The following NTMT1 variants were observed in gnomAD, a reference collection of about 807,000 sequenced individuals.
NTMT1 encodes the protein N-terminal Xaa-Pro-Lys N-methyltransferase 1, also known as N-terminal RCC1 methyltransferase.
Under a neutral mutation model 17.5 loss-of-function variants are expected in NTMT1, and 8 were observed. The ratio of observed to expected loss-of-function variants is 0.46; its 90% CI spans 0.27 to 0.82. The LOEUF (loss-of-function observed/expected upper bound fraction) is 0.82. Ranked by LOEUF, NTMT1 falls within the 40% of genes least tolerant of loss-of-function variation. The pLI is 0.15. For synonymous variants in NTMT1, 128 were observed against 126.8 expected (o/e 1.01, Z -0.06); for missense variants, 221 against 303.5 (o/e 0.73, Z 2.02).
intron 1 of NTMT1, among the ~76,000 whole-genome samples, chr9:129,628,919 G>A (rs1831015458): frequency 6.6e-6 from 1 of 152,246 alleles, no homozygotes; most frequent in South Asian, 2.1e-4. Context: ...GAGGGAGACA[G>A]GCTTGCTCTC....
chr9:129,635,021 G>GCCACAGTTT lies in NTMT1; in HGVS notation c.416-184_416-176dup, dbSNP rs1831447084. Reference sequence around the variant, plus strand: ...GTGTCTTTAGGTAGATGACCTCTGAGCCACAGTTTCCTATTCTATGAATTG... The same window carrying GCCACAGTTT: ...GTGTCTTTAGGTAGATGACCTCTGAGCCACAGTTTCCACAGTTTCCTATTCTATGAATTG... On this transcript the variant is annotated intron_variant, in intron 3 of 3. Transcript: ENST00000372483. The GCCACAGTTT allele has an allele frequency of 1.0e-5, 7 of 680,278 alleles. No individual in the cohort carries two copies. The South Asian group carries it at 1.4e-4, about 13-fold the overall frequency. The allele number at this position is 680,278 out of a possible 1,614,324, so 42.1% of individuals were successfully genotyped here. A position where few individuals can be genotyped will look rare whatever the true frequency, so the allele number is the denominator to read the frequency against.
At chr9:129,612,506 G>C (rs1450678351) in intron 1 of NTMT1, 1 of 1,423,594 alleles carries the variant, frequency 7.0e-7, no homozygotes, top group Non-Finnish European at 9.8e-7. Flanking sequence ...CGGGGCAGGG[G>C]ACTGGGCTCC....
rs1830252212 is a variant in NTMT1, at chr9:129,614,466, G to A, written c.-55+5288G>A. Among the ~76,000 whole-genome samples the A allele has an allele frequency of 6.6e-6, 1 of 152,226 alleles. No homozygotes were observed. Among genetic ancestry groups the A allele is most frequent in the South Asian group, 2.1e-4 (1 of 4,836 alleles). ...ATAGTGGGTGCTCAATAAACAGCTA[G>A]AGGACATTGACTGTTGGGGACCCTG... On this transcript the variant is annotated intron_variant, in intron 1 of 3. Coordinates refer to the NTMT1 transcript ENST00000372486. The surrounding 1 kb of genome is among the most constrained non-coding windows in gnomAD (Gnocchi z 4.4).
intron 1 of NTMT1, among the ~76,000 whole-genome samples, chr9:129,611,067 C>A (rs1249653141): frequency 6.6e-6 from 1 of 152,184 alleles, no homozygotes; most frequent in Non-Finnish European, 1.5e-5. Context: ...CTCTATTGCC[C>A]TTCTTCTGGA....
At chr9:129,622,495 A>T (rs1195324868), upstream of NTMT1, among the ~76,000 whole-genome samples, 2 of 151,434 alleles carry the variant, frequency 1.3e-5, no homozygotes, top group Non-Finnish European at 2.9e-5. Context: ...TCCATCTCAA[A>T]AATAATAATA....
At chr9:129,609,710 A>C (rs945170744) in intron 1 of NTMT1, among the ~76,000 whole-genome samples, 1 of 152,022 alleles carries the variant, frequency 6.6e-6, no homozygotes, top group African/African-American at 2.4e-5. Context: ...GGTTGGGTCC[A>C]TCCCCTGAAT....
Position 129,635,292 on chromosome 9 carries a change from A to G in NTMT1, c.500A>G (p.Asp167Gly), listed in dbSNP as rs763599813. 12 of 1,613,592 alleles carry G rather than the reference A, an allele frequency of 7.4e-6. No homozygotes were observed. Among genetic ancestry groups the G allele is most frequent in the African/African-American group, 1.3e-5 (1 of 74,934 alleles). ...LRPNGIIVIKDNMAQEGVILD... is the reference protein window; with the variant it reads ...LRPNGIIVIKGNMAQEGVILD... ...CCCAACGGCATCATCGTCATCAAAGACAACATGGCCCAGGAGGGCGTGATT... is the reference window on the plus strand; with the variant it reads ...CCCAACGGCATCATCGTCATCAAAGGCAACATGGCCCAGGAGGGCGTGATT... The change falls in exon 4 of 4, where the codon GAC becomes GGC. Residue 167 changes from aspartate to glycine, a missense_variant. Transcript: ENST00000372483.
intron 1 of NTMT1, among the ~76,000 whole-genome samples, chr9:129,629,263 C>G (rs1270281523): frequency 1.3e-5 from 2 of 152,208 alleles, no homozygotes; most frequent in Non-Finnish European, 2.9e-5. Context: ...CTTACGCCAT[C>G]AGACCATAGC....
At position 129,632,657 on chromosome 9, in the gene NTMT1, G is replaced by A. The variant is rs185520233; in HGVS notation, c.-47G>A. The A allele has an allele frequency of 5.7e-5, 91 of 1,606,564 alleles. No homozygotes were observed. The highest frequency in any genetic ancestry group is 9.3e-5 in the African/African-American group (7 of 74,940). On this transcript the variant is annotated 5_prime_UTR_variant, in exon 2 of 4. Coordinates refer to ENST00000372483, the MANE Select transcript of NTMT1 (RefSeq NM_014064.4). ...GCCCCCTTCCTTACCCAGGAGAGTC[G>A]CGGTTGCTGATCGTGGTGCTTGAGT...
chr9:129,617,809 G>A (rs367672375), intron 1 of NTMT1, among the ~76,000 whole-genome samples: 2 of 152,100 alleles, frequency 1.3e-5, no homozygotes, highest in African/African-American at 4.8e-5. Flanking sequence ...TCAGCCTCCC[G>A]AGTAGCTGGA....
At chr9:129,635,075 G>A in intron 3 of NTMT1, 133 bp from the exon 4 acceptor site, 1 of 1,023,288 alleles carries the variant, frequency 9.8e-7, no homozygotes, top group Non-Finnish European at 1.4e-6. Context: ...GGGACTGAGA[G>A]CCAATGAGGC....
chr9:129,632,928 G>C (rs1564348493), intron 2 of NTMT1, 63 bp downstream of exon 2: 2 of 1,557,892 alleles, frequency 1.3e-6, no homozygotes, highest in South Asian at 1.2e-5. Flanking sequence ...CCGAGTCCAT[G>C]TGGGGTGCCA....
At position 129,634,103 on chromosome 9, in the gene NTMT1, G is replaced by A. The variant is rs1241393653; in HGVS notation, c.212G>A (p.Gly71Asp). 1 of 1,614,144 alleles carries A rather than the reference G, an allele frequency of 6.2e-7. No homozygotes were observed. Among genetic ancestry groups the A allele is most frequent in the Non-Finnish European group, 8.5e-7 (1 of 1,179,976 alleles). ...TCCTGTGCCCTGGACTGTGGAGCTG[G>A]CATTGGGAGGATCACCAAGCGGCTG... ...GTSCALDCGA[G>D]IGRITKRLLL... The change falls in exon 3 of 4, where the codon GGC (glycine) becomes GAC (aspartate). Residue 71 changes from glycine (G) to aspartate (D), a missense_variant. Transcript: ENST00000372483.
intron 1 of NTMT1, among the ~76,000 whole-genome samples, chr9:129,612,688 G>A (rs1259733811): frequency 1.3e-5 from 2 of 152,236 alleles, no homozygotes; most frequent in East Asian, 3.8e-4. Flanking sequence ...GACCAGCCTG[G>A]CCAGCATAGT....
At chr9:129,632,403 C>A (rs938389076) in intron 1 of NTMT1, among the ~76,000 whole-genome samples, 1 of 152,190 alleles carries the variant, frequency 6.6e-6, no homozygotes, top group Non-Finnish European at 1.5e-5. Flanking sequence ...ATGATCACAC[C>A]ACTGCACTCC....
At chr9:129,630,366 T>C (rs573226606) in intron 1 of NTMT1, among the ~76,000 whole-genome samples, 1 of 152,142 alleles carries the variant, frequency 6.6e-6, no homozygotes, top group African/African-American at 2.4e-5. Flanking sequence ...CCAGCTACCC[T>C]GGAGGCTGAG....
upstream of NTMT1, among the ~76,000 whole-genome samples, chr9:129,621,464 C>T (rs138612709): frequency 5.5e-4 from 84 of 152,326 alleles, 1 homozygote; most frequent in African/African-American, 1.9e-3. Context: ...TCAAGTGATC[C>T]TCCTGCCTCA....
Position 129,620,685 on chromosome 9 carries a change from A to C in NTMT1, c.-55+11507A>C, listed in dbSNP as rs1054304920. 3.8e-6 allele frequency: 4 copies of C among 1,054,814 alleles called. No homozygotes were observed. In the African/African-American group the frequency reaches 4.9e-5, roughly 13 times the overall value. 65.3% of individuals were successfully genotyped at this position (1,054,814 alleles called of 1,614,324 possible). A position where few individuals can be genotyped will look rare whatever the true frequency, so the allele number is the denominator to read the frequency against. On this transcript the variant is annotated intron_variant, in intron 1 of 3. Coordinates refer to the NTMT1 transcript ENST00000372486. The surrounding 1 kb of genome is among the most constrained non-coding windows in gnomAD (Gnocchi z 5.8). ...CAGGCCATAGTGCCCCGGGCGGGGC[A>C]GCGCGGTGCGGGGTGAACGCCACCG...
At chr9:129,615,526 G>T in intron 1 of NTMT1, 1 of 1,610,968 alleles carries the variant, frequency 6.2e-7, no homozygotes, top group Non-Finnish European at 8.5e-7. Context: ...GTGTCCTGCA[G>T]GGTCTCGTCA....
Sources: allele counts gnomAD v4.1 joint callset (sites outside exome capture counted in the v4.1 genomes callset), GRCh38; gene constraint gnomAD v4.1.1; non-coding constraint Gnocchi (gnomAD v3.1); transcripts MANE v1.5; gene names NCBI Gene and HGNC (gene_info 2026-07-23, HGNC 2026-07-21).